Variants in HS6ST3 observed in about 807,000 individuals in gnomAD.
The protein encoded by HS6ST3 is heparan sulfate 6-O-sulfotransferase 3.
A neutral mutation model predicts 36.7 loss-of-function variants in HS6ST3; 12 were observed. The observed-to-expected ratio is 0.33, with a 90% CI of 0.21 to 0.53. HS6ST3 has a LOEUF of 0.53. HS6ST3 is among the 20% of genes least tolerant of loss of function. The pLI, the probability that HS6ST3 is intolerant of heterozygous loss-of-function variation, is 0.95. For missense variants in HS6ST3, 584 were observed against 640.9 expected (o/e 0.91, Z 0.96); for synonymous variants, 240 against 257.5 (o/e 0.93, Z 0.65).
intron 1 of HS6ST3, among the ~76,000 whole-genome samples, chr13:96,650,958 C>T (rs2056605295): frequency 6.6e-6 from 1 of 152,012 alleles, no homozygotes; most frequent in African/African-American, 2.4e-5. Context: ...CTGACATGCC[C>T]TCTCTAATCC....
intron 1 of HS6ST3, among the ~76,000 whole-genome samples, chr13:96,768,825 G>A (rs1877186879): frequency 6.6e-6 from 1 of 151,788 alleles, no homozygotes; most frequent in African/African-American, 2.4e-5. Context: ...ATATCTAGGT[G>A]GCCCCTTGAG....
chr13:96,488,936 A>C (rs2055930728), intron 1 of HS6ST3, among the ~76,000 whole-genome samples: 1 of 152,028 alleles, frequency 6.6e-6, no homozygotes, highest in East Asian at 1.9e-4. Context: ...AAAATTGTCA[A>C]GAATGTACAT....
In HS6ST3 at chr13:96,091,156, C is replaced by T. The variant is rs1443323233; in HGVS notation, c.294C>T (p.Pro98=). The T allele has an allele frequency of 6.5e-7, 1 of 1,539,528 alleles. No individual in the cohort carries two copies. The highest frequency in any genetic ancestry group is 1.4e-5 in the African/African-American group (1 of 72,686). The change falls in exon 1 of 2, where the codon CCC becomes CCT. Residue 98 remains proline (P), a synonymous_variant. Coordinates refer to ENST00000376705, the MANE Select transcript of HS6ST3 (RefSeq NM_153456.4). The part of the protein sequence containing the change: ...PEEEDEEPGD[P]REGEEEEEED... ...AGGAGGACGAGGAGCCCGGAGACCC[C>T]CGGGAGGGGGAGGAAGAGGAGGAGG...
chr13:96,660,678 A>G (rs920037491), intron 1 of HS6ST3, among the ~76,000 whole-genome samples: 2 of 152,216 alleles, frequency 1.3e-5, no homozygotes, highest in African/African-American at 4.8e-5. Flanking sequence ...GAATTCTATT[A>G]ATATCAAACA....
intron 1 of HS6ST3, among the ~76,000 whole-genome samples, chr13:96,119,835 A>C (rs1459409064): frequency 8.7e-6 from 1 of 115,602 alleles, no homozygotes; most frequent in Non-Finnish European, 1.9e-5. Context: ...CCTTACGATT[A>C]AAATTACTTT....
intron 1 of HS6ST3, among the ~76,000 whole-genome samples, chr13:96,292,498 A>T (rs915450377): frequency 4.6e-5 from 7 of 152,102 alleles, no homozygotes; most frequent in Non-Finnish European, 7.4e-5. Context: ...GTATTTTGTT[A>T]TTCAGGACAT....
At chr13:96,520,470 A>G (rs1262013133) in intron 1 of HS6ST3, among the ~76,000 whole-genome samples, 3 of 152,198 alleles carry the variant, frequency 2.0e-5, no homozygotes, top group Admixed American at 2.0e-4. Context: ...CATGATATTG[A>G]TTCTTCCTAT....
intron 1 of HS6ST3, among the ~76,000 whole-genome samples, chr13:96,639,924 A>G (rs1397146627): frequency 1.3e-5 from 2 of 152,018 alleles, no homozygotes; most frequent in South Asian, 2.1e-4. Flanking sequence ...TTAGTATTCC[A>G]TGACGTAAAT....
At chr13:96,641,332 A>G (rs1179981100) in intron 1 of HS6ST3, among the ~76,000 whole-genome samples, 1 of 151,756 alleles carries the variant, frequency 6.6e-6, no homozygotes, top group East Asian at 1.9e-4. Flanking sequence ...GTATTGCTGT[A>G]TAGAAATGCT....
chr13:96,547,083 C>T (rs1274245600), intron 1 of HS6ST3, among the ~76,000 whole-genome samples: 1 of 152,186 alleles, frequency 6.6e-6, no homozygotes, highest in Non-Finnish European at 1.5e-5. Flanking sequence ...TTACCCCTGG[C>T]AACAGTTGGG....
At chr13:96,249,233 A>G (rs1485412855) in intron 1 of HS6ST3, among the ~76,000 whole-genome samples, 1 of 152,148 alleles carries the variant, frequency 6.6e-6, no homozygotes, top group African/African-American at 2.4e-5. Context: ...CAAATATAAC[A>G]TAGTAGGGAG....
chr13:96,364,453 TTGCAACAGGGA>T (rs1222691196), intron 1 of HS6ST3, among the ~76,000 whole-genome samples: 1 of 152,180 alleles, frequency 6.6e-6, no homozygotes, highest in South Asian at 2.1e-4. Context: ...CTGATGCATG[TTGCAACAGGGA>T]TGCACCTTGA....
At chr13:96,115,546 G>T (rs948938279) in intron 1 of HS6ST3, among the ~76,000 whole-genome samples, 12 of 152,136 alleles carry the variant, frequency 7.9e-5, no homozygotes, top group Non-Finnish European at 1.6e-4. Flanking sequence ...ATGGCTTCCA[G>T]CTTCATCTGT....
intron 1 of HS6ST3, among the ~76,000 whole-genome samples, chr13:96,621,544 CT>C (rs988130091): frequency 6.6e-6 from 1 of 152,080 alleles, no homozygotes; most frequent in Non-Finnish European, 1.5e-5. Context: ...AGGTGGTATT[CT>C]TTATAGTGTG....
intron 1 of HS6ST3, among the ~76,000 whole-genome samples, chr13:96,810,787 A>C (rs1878301278): frequency 6.6e-6 from 1 of 152,192 alleles, no homozygotes; most frequent in African/African-American, 2.4e-5. Flanking sequence ...GAGGGGATCT[A>C]CTTTGCCTTT....
At chr13:96,678,341 C>T (rs540809549) in intron 1 of HS6ST3, among the ~76,000 whole-genome samples, 1 of 152,050 alleles carries the variant, frequency 6.6e-6, no homozygotes. Flanking sequence ...GGGACACATT[C>T]AAACCAAGAC....
chr13:96,541,365 C>T (rs917181111), intron 1 of HS6ST3, among the ~76,000 whole-genome samples: 6 of 152,090 alleles, frequency 3.9e-5, no homozygotes, highest in African/African-American at 9.7e-5. Context: ...ACATTTTACT[C>T]ATGAGACTGA....
At chr13:96,423,477 C>G (rs1031191512) in intron 1 of HS6ST3, among the ~76,000 whole-genome samples, 1 of 151,342 alleles carries the variant, frequency 6.6e-6, no homozygotes, top group African/African-American at 2.4e-5. Context: ...GTGCTGGGGT[C>G]CGGTGGAGTG....
chr13:96,830,490 A>C (rs1486773141), intron 1 of HS6ST3, among the ~76,000 whole-genome samples: 1 of 152,208 alleles, frequency 6.6e-6, no homozygotes, highest in African/African-American at 2.4e-5. Flanking sequence ...CTGTCTATCT[A>C]TCTTATATAT....
Sources: allele counts gnomAD v4.1 joint callset (sites outside exome capture counted in the v4.1 genomes callset), GRCh38; gene constraint gnomAD v4.1.1; transcripts MANE v1.5; gene names NCBI Gene and HGNC (gene_info 2026-07-23, HGNC 2026-07-21).